ZBTB49: variants seen among roughly 807,000 people sequenced by gnomAD.
The protein encoded by ZBTB49 is zinc finger and BTB domain containing 49, also known as zinc finger and BTB domain-containing protein 49.
A neutral mutation model predicts 57.5 loss-of-function variants in ZBTB49; 43 were observed. The observed-to-expected ratio is 0.75, with a 90% confidence interval of 0.59 to 0.97. The LOEUF is 0.97. Among genes scored for constraint, ZBTB49 ranks in the 50% least tolerant of loss-of-function variants. The pLI is 0.00. For missense variants in ZBTB49, 938 were observed against 947.7 expected (o/e 0.99, Z 0.13); for synonymous variants, 369 against 362.1 (o/e 1.02, Z -0.22).
At chr4:4,316,014 G>A (rs773748049) in intron 7 of ZBTB49, 44 bp downstream of exon 7, 17 of 1,603,898 alleles carry the variant, frequency 1.1e-5, no homozygotes, top group Non-Finnish European at 1.4e-5. Context: ...CTGTGTGTGG[G>A]AAGGGCTTTG....
In ZBTB49 at chr4:4,315,715, C is replaced by T. The variant is rs1254699221; in HGVS notation, c.1456C>T (p.Arg486Ter). 1.9e-6 allele frequency: 3 copies of T among 1,613,698 alleles called. No homozygotes were observed. The highest frequency in any genetic ancestry group is 1.3e-5 in the African/African-American group (1 of 74,742). ...ACCACACTTGTGTGACATCTGTGGT[C>T]GAGGTACAGCTGAGTGTTTTCCTAT... The part of the protein sequence containing the change: ...EKPHLCDICG[R>*]GFSNFSNLKE... The change falls in exon 6 of 8, where the codon CGA becomes TGA. Residue 486 changes from arginine to a stop codon, truncating the protein, a stop_gained. Transcript: ENST00000337872. LOFTEE classifies it high-confidence loss of function.
chr4:4,308,489 T>C (rs1389502902), intron 4 of ZBTB49, among the ~76,000 whole-genome samples: 1 of 152,244 alleles, frequency 6.6e-6, no homozygotes, highest in Admixed American at 6.5e-5. Flanking sequence ...AGGGTAGCCC[T>C]GCCCGATCCA....
At chr4:4,313,801 A>G (rs1347684256) in intron 5 of ZBTB49, among the ~76,000 whole-genome samples, 1 of 152,240 alleles carries the variant, frequency 6.6e-6, no homozygotes, top group African/African-American at 2.4e-5. Flanking sequence ...GTGCCAGGAC[A>G]ACAGGCATCA....
At chr4:4,304,989 G>T (rs1720675142) in intron 3 of ZBTB49, among the ~76,000 whole-genome samples, 1 of 152,118 alleles carries the variant, frequency 6.6e-6, no homozygotes, top group Non-Finnish European at 1.5e-5. Context: ...TACTGGAGTA[G>T]GATTGTTAAC....
At chr4:4,316,942 G>C (rs1183524215) in intron 7 of ZBTB49, among the ~76,000 whole-genome samples, 1 of 152,196 alleles carries the variant, frequency 6.6e-6, no homozygotes, top group East Asian at 1.9e-4. Flanking sequence ...GGAGGTTGAA[G>C]CTGGAGGATC....
Position 4,321,434 on chromosome 4 carries a change from C to T in ZBTB49, c.*118C>T. ...TTCTAACTAGCCAGAGAATAGGTAG[C>T]TTCCCTCCTGATGATGGCTCATAAT... On this transcript the variant is annotated 3_prime_UTR_variant, in exon 8 of 8. Coordinates refer to ENST00000337872, the MANE Select transcript of ZBTB49 (RefSeq NM_145291.4). The T allele has an allele frequency of 9.4e-7, 1 of 1,064,112 alleles. No homozygotes were observed. Among genetic ancestry groups the T allele is most frequent in the Non-Finnish European group, 1.4e-6 (1 of 736,858 alleles). The allele number at this position is 1,064,112 out of a possible 1,614,324, so 65.9% of individuals were successfully genotyped here. A position where few individuals can be genotyped will look rare whatever the true frequency, so the allele number is the denominator to read the frequency against.
At chr4:4,303,441 C>A (rs1238285032) in intron 3 of ZBTB49, among the ~76,000 whole-genome samples, 1 of 152,062 alleles carries the variant, frequency 6.6e-6, no homozygotes, top group East Asian at 1.9e-4. Context: ...ATTTAGTTGT[C>A]TTTTTAGAAT....
rs760801136 is a variant in ZBTB49, at chr4:4,299,930, A to G, written c.-16A>G. The G allele has an allele frequency of 1.9e-6, 3 of 1,612,640 alleles. No homozygotes were observed. Among genetic ancestry groups the G allele is most frequent in the East Asian group, 2.2e-5 (1 of 44,858 alleles). The stretch of plus-strand genomic sequence containing the variant: ...TATCTGTGATTTTTTGCTGTAGGTC[A>G]CCTGAATGGTTGAGCATGGACCCTG... On this transcript the variant is annotated 5_prime_UTR_variant, in exon 2 of 8. Coordinates refer to ENST00000337872, the MANE Select transcript of ZBTB49 (RefSeq NM_145291.4).
At chr4:4,313,243 C>T in intron 5 of ZBTB49, 129 bp downstream of exon 5, 1 of 897,912 alleles carries the variant, frequency 1.1e-6, no homozygotes, top group East Asian at 2.7e-5. Context: ...CACTGCAGAA[C>T]ACAGGTAAAT....
At position 4,321,142 on chromosome 4, in the gene ZBTB49, C is replaced by T; in HGVS notation, c.2124C>T (p.Gly708=). 1 of 1,614,192 alleles carries T rather than the reference C, an allele frequency of 6.2e-7. No individual in the cohort carries two copies. Among genetic ancestry groups the T allele is most frequent in the East Asian group, 2.2e-5 (1 of 44,880 alleles). The change falls in exon 8 of 8, where the codon GGC becomes GGT. Residue 708 remains glycine (G), a synonymous_variant. Coordinates refer to ENST00000337872, the MANE Select transcript of ZBTB49 (RefSeq NM_145291.4). The part of the protein sequence containing the change: ...PAGGEPLQAD[G]MAMIRSSLAA... ...GTGGCGAACCACTGCAGGCCGATGG[C>T]ATGGCCATGATCCGTTCCTCTCTGG...
chr4:4,321,183 A>T lies in ZBTB49; in HGVS notation c.2165A>T (p.His722Leu). The change falls in exon 8 of 8, where the codon CAC (histidine) becomes CTC (leucine). Residue 722 changes from histidine (H) to leucine (L), a missense_variant. Physicochemically the swap from His to Leu is moderately conservative, Grantham distance 99. This residue lies in a region of ZBTB49 where 835 missense variants were observed against 819.1 expected (regional missense o/e 1.02). Transcript: ENST00000337872. ...TCCTCTCTGGCTGCTTTGGACAACC[A>T]CGGCGGTGACCCCCTGGGCAGTCGA... ...IRSSLAALDN[H>L]GGDPLGSRAS... 1 of 1,614,114 alleles carries T rather than the reference A, an allele frequency of 6.2e-7. No individual in the cohort carries two copies. The highest frequency in any genetic ancestry group is 1.1e-5 in the South Asian group (1 of 91,064).
chr4:4,299,972 C>T lies in ZBTB49; in HGVS notation c.27C>T (p.Cys9=). Residue 9 remains cysteine, a synonymous_variant, in exon 2 of 8, where the codon TGC becomes TGT. Coordinates refer to ENST00000337872, the MANE Select transcript of ZBTB49 (RefSeq NM_145291.4). ...TGGACCCTGTTGCTACCCACAGCTG[C>T]CATCTGCTCCAGCAACTGCATGAGC... MDPVATHS[C]HLLQQLHEQR... 1 of 1,614,146 alleles carries T rather than the reference C, an allele frequency of 6.2e-7. No homozygotes were observed. The highest frequency in any genetic ancestry group is 8.5e-7 in the Non-Finnish European group (1 of 1,180,030).
chr4:4,297,500 TG>T (rs957876453), intron 1 of ZBTB49, among the ~76,000 whole-genome samples: 2 of 152,142 alleles, frequency 1.3e-5, no homozygotes, highest in Admixed American at 6.5e-5. Flanking sequence ...TTAAGAATCA[TG>T]GGGCTGGGTG....
At position 4,320,863 on chromosome 4, in the gene ZBTB49, CTCTT is replaced by C; in HGVS notation, c.1849_1852del (p.Phe617ProfsTer6). The stretch of plus-strand genomic sequence containing the variant: ...ACCTCGAGAAATCTCAGAGCTCAGA[CTCTT>C]TCTCCCAAGACACGTCTGTGACGCT... On this transcript the variant is annotated frameshift_variant, in exon 8 of 8. Transcript: ENST00000337872. LOFTEE classifies it low-confidence loss of function (END_TRUNC). The C allele has an allele frequency of 6.2e-7, 1 of 1,614,216 alleles. No individual in the cohort carries two copies.
At chr4:4,315,741 T>C in intron 6 of ZBTB49, 23 bp downstream of exon 6, 3 of 1,522,830 alleles carry the variant, frequency 2.0e-6, no homozygotes, top group Non-Finnish European at 2.5e-6. Context: ...GTTTTCCTAT[T>C]CTTCTTGAAG....
chr4:4,301,994 T>A lies in ZBTB49; in HGVS notation c.158T>A (p.Leu53His), dbSNP rs1229095580. 2.6e-6 allele frequency: 4 copies of A among 1,525,818 alleles called. No homozygotes were observed. Among genetic ancestry groups the A allele is most frequent in the Non-Finnish European group, 3.5e-6 (4 of 1,136,946 alleles). The allele number at this position is 1,525,818 out of a possible 1,614,324, so 94.5% of individuals were successfully genotyped here. The change falls in exon 3 of 8, where the codon CTC (leucine) becomes CAC (histidine). Residue 53 changes from leucine to histidine, a missense_variant. Physicochemically the swap from Leu to His is moderately conservative, Grantham distance 99. This residue lies in a region of ZBTB49 where 100 missense variants were observed against 112.5 expected (regional missense o/e 0.89). Coordinates refer to ENST00000337872, the MANE Select transcript of ZBTB49 (RefSeq NM_145291.4). ...GATATTCTTTCTTTTACCAGGAGCC[T>A]CTTTCAGAATTCTTCAAGCCAGAAG... ...LAAFSQYFRS[L>H]FQNSSSQKND...
At position 4,312,674 on chromosome 4, in the gene ZBTB49, A is replaced by T. The variant is rs138877428; in HGVS notation, c.1303-367A>T. ...TTTTGTTTGTTTTAAGTGATGTTTT[A>T]AATACATGGCCCAAATAAAATACAT... On this transcript the variant is annotated intron_variant, in intron 4 of 7. Transcript: ENST00000337872. 1.8e-3 allele frequency among the ~76,000 whole-genome samples: 268 copies of T among 152,326 alleles called. 1 individual carries two copies. Among genetic ancestry groups the T allele is most frequent in the African/African-American group, 6.1e-3 (255 of 41,572 alleles).
chr4:4,313,193 G>A, intron 5 of ZBTB49, 79 bp downstream of exon 5: 1 of 1,553,208 alleles, frequency 6.4e-7, no homozygotes, highest in Non-Finnish European at 8.8e-7. Context: ...GTCTTCTGAA[G>A]TGGTGGCTCA....
In ZBTB49 at chr4:4,305,395, C is replaced by T. The variant is rs576054520; in HGVS notation, c.1256-743C>T. Among the ~76,000 whole-genome samples, 11 of 152,232 alleles carry T rather than the reference C, an allele frequency of 7.2e-5. No homozygotes were observed. In the East Asian group the frequency reaches 2.1e-3, roughly 29 times the overall value. ...GAGAAAATGAGAGGTTCTTAGTGTT[C>T]AAAGTCTATTCATTAGCGTTATATA... On this transcript the variant is annotated intron_variant, in intron 3 of 7. Coordinates refer to ENST00000337872, the MANE Select transcript of ZBTB49 (RefSeq NM_145291.4).
Sources: allele counts gnomAD v4.1 joint callset (sites outside exome capture counted in the v4.1 genomes callset), GRCh38; gene constraint gnomAD v4.1.1; regional missense constraint gnomAD v4.1.1; transcripts MANE v1.5; gene names NCBI Gene and HGNC (gene_info 2026-07-23, HGNC 2026-07-21).